VWA2: variants seen among roughly 807,000 people sequenced by gnomAD.
VWA2 encodes von Willebrand factor A domain containing 2.
VWA2 carries 73 observed loss-of-function variants against 70.4 expected under a neutral mutation model. That is an observed-to-expected ratio of 1.04 (90% CI 0.86 to 1.26). The LOEUF is 1.26. Among genes scored for constraint, VWA2 ranks in the 50% most tolerant of loss-of-function variants. VWA2 has a pLI of 0.00. For synonymous variants in VWA2, 407 were observed against 423.3 expected (o/e 0.96, Z 0.47); for missense variants, 1,011 against 998.5 (o/e 1.01, Z -0.17).
intron 5 of VWA2, among the ~76,000 whole-genome samples, chr10:114,264,600 T>C (rs2037521292): frequency 6.6e-6 from 1 of 151,990 alleles, no homozygotes; most frequent in Non-Finnish European, 1.5e-5. Flanking sequence ...TTTGTATTTT[T>C]AGTAGAGATG....
At chr10:114,289,605 C>T (rs2039350867) in intron 12 of VWA2, 116 bp downstream of exon 12, 2 of 1,208,044 alleles carry the variant, frequency 1.7e-6, no homozygotes, top group Admixed American at 3.6e-5. Flanking sequence ...CACTTGCTTC[C>T]CAAGTGCCAG....
chr10:114,258,022 A>G (rs1192825624), intron 4 of VWA2, among the ~76,000 whole-genome samples: 1 of 152,210 alleles, frequency 6.6e-6, no homozygotes, highest in Non-Finnish European at 1.5e-5. Flanking sequence ...TAACCTGAGG[A>G]AAGCTTTCTT....
intron 1 of VWA2, among the ~76,000 whole-genome samples, chr10:114,243,248 T>G (rs567587460): frequency 3.9e-5 from 6 of 152,338 alleles, no homozygotes; most frequent in Admixed American, 2.0e-4. Context: ...TCCAGGGAGT[T>G]CACAAATGGC....
chr10:114,286,471 C>T lies in VWA2; in HGVS notation c.1530C>T (p.Ile510=). Residue 510 remains isoleucine, a synonymous_variant, in exon 11 of 14, where the codon ATC becomes ATT. Coordinates refer to ENST00000392982, the MANE Select transcript of VWA2 (RefSeq NM_001272046.2). ...ATCCTCAGGATCTGTTCAACCAAAT[C>T]CCTGAGCTGCAGGGGAAGCTGTGCA... ...YSDPQDLFNQ[I]PELQGKLCSR... The T allele has an allele frequency of 6.3e-7, 1 of 1,597,056 alleles. No homozygotes were observed. The highest frequency in any genetic ancestry group is 8.6e-7 in the Non-Finnish European group (1 of 1,168,788).
Position 114,248,705 on chromosome 10 carries a change from T to G in VWA2, c.-9T>G. ...CTTTCTTTTCCTGTGTCCCTGTAGT[T>G]ATATCAACATGCCCCCTTTCCTGTT... On this transcript the variant is annotated splice_region_variant and 5_prime_UTR_variant, in exon 2 of 14. Transcript: ENST00000392982. 6.2e-7 allele frequency: 1 copy of G among 1,612,090 alleles called. No homozygotes were observed. The highest frequency in any genetic ancestry group is 8.5e-7 in the Non-Finnish European group (1 of 1,178,228).
chr10:114,258,183 T>A (rs2037370269), intron 4 of VWA2, among the ~76,000 whole-genome samples: 1 of 152,252 alleles, frequency 6.6e-6, no homozygotes, highest in Admixed American at 6.5e-5. Context: ...GGCTTCAGGC[T>A]TTATGTTTTT....
intron 1 of VWA2, among the ~76,000 whole-genome samples, chr10:114,248,343 C>T (rs2037118460): frequency 6.6e-6 from 1 of 152,172 alleles, no homozygotes. Flanking sequence ...AAAGAAGTGA[C>T]TTTGCCCAGG....
At chr10:114,245,776 T>C (rs114458575) in intron 1 of VWA2, among the ~76,000 whole-genome samples, 308 of 152,348 alleles carry the variant, frequency 2.0e-3, no homozygotes, top group African/African-American at 6.9e-3. Flanking sequence ...GTTAGGTGTC[T>C]GATTTTCACT....
intron 4 of VWA2, among the ~76,000 whole-genome samples, chr10:114,255,739 T>C (rs944199722): frequency 7.9e-5 from 12 of 151,780 alleles, no homozygotes; most frequent in African/African-American, 2.9e-4. Context: ...TAGCAGAGTG[T>C]GGTAGCTGTG....
At chr10:114,248,620 G>A in intron 1 of VWA2, 84 bp from the exon 2 acceptor site, 1 of 1,198,432 alleles carries the variant, frequency 8.3e-7, no homozygotes, top group Non-Finnish European at 1.2e-6. Context: ...AAAAGGCTGA[G>A]TTGGCATCTT....
intron 5 of VWA2, among the ~76,000 whole-genome samples, chr10:114,262,051 A>G (rs2037455701): frequency 1.3e-5 from 2 of 152,252 alleles, no homozygotes; most frequent in South Asian, 2.1e-4. Context: ...CTCATCGCCA[A>G]TGGATGGTGC....
Position 114,286,077 on chromosome 10 carries a change from G to C in VWA2, c.1136G>C (p.Arg379Pro). 6.2e-7 allele frequency: 1 copy of C among 1,614,124 alleles called. No homozygotes were observed. Among genetic ancestry groups the C allele is most frequent in the Non-Finnish European group, 8.5e-7 (1 of 1,180,032 alleles). The stretch of plus-strand genomic sequence containing the variant: ...CGGGCCGTGCTGAGCGAGGACTCTC[G>C]GGCCCGAGTGGGTGTGGCCACATAC... ...FVRAVLSEDS[R>P]ARVGVATYSR... is the part of the protein sequence containing the mutation. Residue 379 changes from arginine (R) to proline (P), a missense_variant, in exon 11 of 14, where the codon CGG becomes CCG. Arg to Pro is a moderately radical substitution (Grantham distance 103). Coordinates refer to ENST00000392982, the MANE Select transcript of VWA2 (RefSeq NM_001272046.2).
intron 1 of VWA2, chr10:114,246,559 T>C (rs977667219): frequency 2.9e-6 from 3 of 1,042,952 alleles, no homozygotes; most frequent in African/African-American, 1.6e-5. Flanking sequence ...ATTCCCTGAC[T>C]GTAACAGAGG....
intron 12 of VWA2, chr10:114,289,882 C>T: frequency 3.0e-6 from 1 of 333,016 alleles, no homozygotes; most frequent in East Asian, 6.7e-5. Context: ...CTCCTCTTCA[C>T]CTTCTTAAAA....
At chr10:114,243,685 G>A (rs1382976401) in intron 1 of VWA2, among the ~76,000 whole-genome samples, 1 of 152,202 alleles carries the variant, frequency 6.6e-6, no homozygotes, top group South Asian at 2.1e-4. Flanking sequence ...GGTAGAGAAG[G>A]CAGACATTAT....
chr10:114,290,349 C>A lies in VWA2; in HGVS notation c.2232C>A (p.Gly744=), dbSNP rs1169750475. ...GCAAGTGTCGGGATGGCTGGGAGGG[C>A]CCCCACTGCGAGAACCGTGAGTGGA... ...YRCKCRDGWE[G]PHCENRFLRR... The change falls in exon 13 of 14, where the codon GGC becomes GGA. Residue 744 remains glycine, a synonymous_variant. Coordinates refer to ENST00000392982, the MANE Select transcript of VWA2 (RefSeq NM_001272046.2). The A allele has an allele frequency of 6.4e-7, 1 of 1,550,484 alleles. No homozygotes were observed. Among genetic ancestry groups the A allele is most frequent in the East Asian group, 2.4e-5 (1 of 40,924 alleles).
chr10:114,253,785 G>C, intron 3 of VWA2, 60 bp downstream of exon 3: 2 of 1,461,932 alleles, frequency 1.4e-6, no homozygotes, highest in Non-Finnish European at 1.9e-6. Flanking sequence ...GTGATGGACT[G>C]GATGAGAACC....
Position 114,272,895 on chromosome 10 carries a change from G to C in VWA2, c.527G>C (p.Arg176Thr). The C allele has an allele frequency of 6.2e-7, 1 of 1,613,608 alleles. No homozygotes were observed. Among genetic ancestry groups the C allele is most frequent in the Non-Finnish European group, 8.5e-7 (1 of 1,179,742 alleles). Reference sequence around the variant, plus strand: ...CTGCCATCCAAGCAGCTGAAGGAAAGGGGTGTCACTGTGTTTGCTGTGGGG... The same window carrying C: ...CTGCCATCCAAGCAGCTGAAGGAAACGGGTGTCACTGTGTTTGCTGTGGGG... ...VALPSKQLKE[R>T]GVTVFAVGVR... is the part of the protein sequence containing the mutation. The change falls in exon 6 of 14, where the codon AGG becomes ACG. Residue 176 changes from arginine to threonine, a missense_variant. By Grantham distance (71) the Arg-to-Thr change is moderately conservative. Coordinates refer to ENST00000392982, the MANE Select transcript of VWA2 (RefSeq NM_001272046.2).
intron 5 of VWA2, 62 bp downstream of exon 5, chr10:114,261,357 T>C: frequency 7.1e-7 from 1 of 1,404,080 alleles, no homozygotes; most frequent in Non-Finnish European, 1.0e-6. Flanking sequence ...AATTGCTCCC[T>C]TGAAGGGTTT....
Sources: gnomAD v4.1 joint callset for allele counts (sites outside exome capture counted in the v4.1 genomes callset) on GRCh38, gnomAD v4.1.1 for gene constraint, MANE v1.5 for transcripts, NCBI Gene and HGNC (gene_info 2026-07-23, HGNC 2026-07-21) for gene names.